The following DNM3 variants were observed in gnomAD, a reference collection of about 807,000 sequenced individuals.
DNM3 encodes the protein dynamin 3, also known as dynamin-3.
DNM3 carries 47 observed loss-of-function variants against 101.6 expected under a neutral mutation model. That is an observed-to-expected ratio of 0.46 (90% CI 0.37 to 0.59). DNM3 has a LOEUF of 0.59. DNM3 is among the 20% of genes least tolerant of loss of function. The pLI, the probability that DNM3 is intolerant of heterozygous loss-of-function variation, is 0.00. For synonymous variants in DNM3, 385 were observed against 387.9 expected, an observed-to-expected ratio of 0.99 and a Z score of 0.09; for missense variants, 849 against 1,085.7, an observed-to-expected ratio of 0.78 and a Z score of 3.06.
intron 15 of DNM3, among the ~76,000 whole-genome samples, chr1:172,301,267 C>T (rs1331686651): frequency 1.3e-5 from 2 of 152,100 alleles, no homozygotes; most frequent in Non-Finnish European, 2.9e-5. Context: ...TTTAGGAGGT[C>T]GAGGCAGGAG....
rs1382455971 is a variant in DNM3, at chr1:172,235,830, C to T, written c.1660-17743C>T. 2.6e-5 allele frequency among the ~76,000 whole-genome samples: 4 copies of T among 151,204 alleles called. No individual in the cohort carries two copies. In the South Asian group the frequency reaches 6.2e-4, roughly 24 times the overall value. On this transcript the variant is annotated intron_variant, in intron 14 of 20. Transcript: ENST00000627582. ...TGGATACAGGAAGGGGAACATAACACACCGGGGCCTGTTTTGGGGTGGGGA... is the reference window on the plus strand; with the variant it reads ...TGGATACAGGAAGGGGAACATAACATACCGGGGCCTGTTTTGGGGTGGGGA...
At chr1:172,019,093 T>C (rs544737124) in intron 4 of DNM3, among the ~76,000 whole-genome samples, 2 of 150,494 alleles carry the variant, frequency 1.3e-5, no homozygotes, top group East Asian at 3.9e-4. Context: ...TCTTCCTTTG[T>C]TCCTTCCTTC....
At chr1:172,028,707 T>TA (rs1160590729) in intron 4 of DNM3, among the ~76,000 whole-genome samples, 8 of 151,592 alleles carry the variant, frequency 5.3e-5, no homozygotes, top group Admixed American at 2.6e-4. Context: ...AAATAGACAA[T>TA]AAAAAATGAT....
chr1:171,935,952 G>C (rs527968160), intron 2 of DNM3, among the ~76,000 whole-genome samples: 1 of 151,150 alleles, frequency 6.6e-6, no homozygotes, highest in Non-Finnish European at 1.5e-5. Flanking sequence ...CACATTTAAC[G>C]TATTACAGTG....
intron 2 of DNM3, among the ~76,000 whole-genome samples, chr1:171,969,934 T>C (rs550317258): frequency 4.6e-5 from 7 of 152,268 alleles, no homozygotes; most frequent in Admixed American, 3.3e-4. Context: ...AAATAATGTG[T>C]GTGACTAAAA....
rs370876279 is a variant in DNM3 at position 172,119,235 on chromosome 1, G to A, written c.1546-11940G>A. ...TCGAACTCCTGACTTCAGGTGGTCC[G>A]CCCGCCTCAGTCTCCCAAAGTGCTA... On this transcript the variant is annotated intron_variant, in intron 13 of 20. Transcript: ENST00000627582. 1.1e-4 allele frequency among the ~76,000 whole-genome samples: 17 copies of A among 151,852 alleles called. No homozygotes were observed. The East Asian group carries it at 2.1e-3, about 19-fold the overall frequency.
In DNM3 at chr1:171,960,910, GTTC is replaced by G. The variant is rs199636007; in HGVS notation, c.236-26741_236-26739del. ...ATGACTTCATTTTTCTTAGAGATAA[GTTC>G]TTCTGCTGAGGATGAGGGTAAGGGA... On this transcript the variant is annotated intron_variant, in intron 2 of 20. Transcript: ENST00000627582. 6.4e-3 allele frequency among the ~76,000 whole-genome samples: 974 copies of G among 152,244 alleles called. 11 individuals carry two copies. Among genetic ancestry groups the G allele is most frequent in the African/African-American group, 0.022 (911 of 41,550 alleles).
chr1:171,965,444 T>C (rs996097648), intron 2 of DNM3, among the ~76,000 whole-genome samples: 6 of 151,476 alleles, frequency 4.0e-5, no homozygotes, highest in African/African-American at 7.3e-5. Flanking sequence ...TCCCAGCTAC[T>C]TGAAAGGCTG....
chr1:172,353,748 T>C (rs1314898450), intron 17 of DNM3, among the ~76,000 whole-genome samples: 1 of 152,134 alleles, frequency 6.6e-6, no homozygotes, highest in Non-Finnish European at 1.5e-5. Flanking sequence ...AAATAATAAG[T>C]CTACTTATAT....
Position 172,378,500 on chromosome 1 carries a change from A to G in DNM3, c.1894-518A>G, listed in dbSNP as rs997063217. ...CATGGAAGAATAAATTATCTTCTAT[A>G]TCTCTTATTTTGGCTTCAGGCAGCC... On this transcript the variant is annotated intron_variant, in intron 17 of 20. Transcript: ENST00000627582. 5.7e-5 allele frequency among the ~76,000 whole-genome samples: 6 copies of G among 104,942 alleles called. No individual in the cohort carries two copies. In the East Asian group the frequency reaches 1.4e-3, roughly 24 times the overall value. 68.8% of individuals were successfully genotyped at this position (104,942 alleles called of 152,430 possible).
intron 4 of DNM3, among the ~76,000 whole-genome samples, chr1:171,997,472 G>A (rs2046077597): frequency 6.6e-6 from 1 of 152,176 alleles, no homozygotes. Context: ...TAAAGGAGCA[G>A]ACTAAGATTC....
chr1:172,107,254 T>A (rs2055125104), intron 13 of DNM3, among the ~76,000 whole-genome samples: 1 of 152,162 alleles, frequency 6.6e-6, no homozygotes, highest in Non-Finnish European at 1.5e-5. Context: ...GAGAAAAAAA[T>A]ACTGTGTACT....
chr1:172,382,506 G>T (rs1157793692), intron 18 of DNM3, among the ~76,000 whole-genome samples: 2 of 152,136 alleles, frequency 1.3e-5, no homozygotes, highest in African/African-American at 4.8e-5. Flanking sequence ...CTGAGACATT[G>T]ACTTGCCCAA....
intron 14 of DNM3, among the ~76,000 whole-genome samples, chr1:172,206,487 A>T (rs1159107787): frequency 6.6e-6 from 1 of 152,042 alleles, no homozygotes; most frequent in Non-Finnish European, 1.5e-5. Context: ...AAAATTAATA[A>T]TTTTTACTGT....
At chr1:171,925,495 G>T (rs909998523) in intron 2 of DNM3, among the ~76,000 whole-genome samples, 2 of 152,040 alleles carry the variant, frequency 1.3e-5, no homozygotes, top group Admixed American at 6.5e-5. Context: ...CTCCCAAAGT[G>T]CTGGGATTAC....
chr1:172,404,871 T>C (rs2070765030), intron 20 of DNM3, among the ~76,000 whole-genome samples: 1 of 152,132 alleles, frequency 6.6e-6, no homozygotes, highest in Non-Finnish European at 1.5e-5. Flanking sequence ...GAATAGATGC[T>C]GAGCTCTTTA....
intron 2 of DNM3, among the ~76,000 whole-genome samples, chr1:171,978,402 G>A (rs548674212): frequency 6.6e-6 from 1 of 152,266 alleles, no homozygotes; most frequent in East Asian, 1.9e-4. Flanking sequence ...CAGAAGAGGT[G>A]CAGCTTATAG....
At chr1:172,293,876 A>G (rs1211575916) in intron 15 of DNM3, among the ~76,000 whole-genome samples, 1 of 152,238 alleles carries the variant, frequency 6.6e-6, no homozygotes, top group Non-Finnish European at 1.5e-5. Context: ...GAGAAAGGTC[A>G]GTGAGAATGG....
At chr1:171,872,597 C>G (rs2035394793) in intron 1 of DNM3, among the ~76,000 whole-genome samples, 1 of 152,152 alleles carries the variant, frequency 6.6e-6, no homozygotes, top group Non-Finnish European at 1.5e-5. Context: ...AATGAGGACA[C>G]CAAGAGGATG....
Sources: allele counts gnomAD v4.1 joint callset (sites outside exome capture counted in the v4.1 genomes callset), GRCh38; gene constraint gnomAD v4.1.1; transcripts MANE v1.5; gene names NCBI Gene and HGNC (gene_info 2026-07-23, HGNC 2026-07-21).